PTPRG: variants seen among roughly 807,000 people sequenced by gnomAD.
PTPRG encodes the protein protein tyrosine phosphatase receptor type G.
PTPRG carries 102 observed loss-of-function variants against 165.3 expected under a neutral mutation model. The ratio of observed to expected loss-of-function variants is 0.62; its 90% confidence interval spans 0.53 to 0.73. The LOEUF (loss-of-function observed/expected upper bound fraction) is 0.73, where lower values mean the gene tolerates loss of function less well. Ranked by LOEUF, PTPRG falls within the 30% of genes least tolerant of loss-of-function variation. The probability of loss-of-function intolerance (pLI) is 0.00; values close to 1 mark genes in which losing one functional copy is unlikely to be tolerated. For missense variants in PTPRG, 1,866 were observed against 1,861.4 expected (o/e 1.00, Z -0.05); for synonymous variants, 675 against 669.5 (o/e 1.01, Z -0.13).
chr3:62,282,539 TAAAAAACAAAAAAACAAAAAA>T (rs919157679), intron 27 of PTPRG, among the ~76,000 whole-genome samples, 167 bp from the exon 28 acceptor site: 12 of 146,006 alleles, frequency 8.2e-5, no homozygotes, highest in Admixed American at 4.7e-4. Context: ...ATGCTTTTTT[TAAAAAACAAAAAAACAAAAAA>T]AAAAAACCTT....
chr3:61,914,663 A>G (rs921434733), intron 2 of PTPRG, among the ~76,000 whole-genome samples: 1 of 152,208 alleles, frequency 6.6e-6, no homozygotes, highest in African/African-American at 2.4e-5. Context: ...TCCTGGTTTC[A>G]TTAATTCAAT....
rs1035731063 is a variant in PTPRG, at chr3:61,583,262, C to T, written c.85+20890C>T. On this transcript the variant is annotated intron_variant, in intron 1 of 29. Transcript: ENST00000474889. ...CCAATGCTGGATGCATTGACTGGCC[C>T]CTGAACGCAAGGCTGAGGCATTGTC... Among the ~76,000 whole-genome samples, 3 of 152,280 alleles carry T rather than the reference C, an allele frequency of 2.0e-5. No homozygotes were observed. The East Asian group carries it at 5.8e-4, about 29-fold the overall frequency.
rs560692180 is a variant in PTPRG at position 62,231,269 on chromosome 3, G to A, written c.2333G>A (p.Arg778His). 131 of 1,596,180 alleles carry A rather than the reference G, an allele frequency of 8.2e-5. No individual in the cohort carries two copies. The highest frequency in any genetic ancestry group is 3.9e-4 in the South Asian group (34 of 87,730). The stretch of plus-strand genomic sequence containing the variant: ...TCCAAGGGCTTTCCCAGACGTTTCC[G>A]TGAAGTGCCTTCTTCTGGGGAGAGA... ...IKSKGFPRRF[R>H]EVPSSGERGE... is the part of the protein sequence containing the mutation. Residue 778 changes from arginine to histidine, a missense_variant, in exon 14 of 30, where the codon CGT (arginine) becomes CAT (histidine). Arg to His is a conservative substitution (Grantham distance 29). Transcript: ENST00000474889.
At chr3:61,723,640 T>C (rs1252383304) in intron 1 of PTPRG, among the ~76,000 whole-genome samples, 2 of 152,202 alleles carry the variant, frequency 1.3e-5, no homozygotes, top group African/African-American at 4.8e-5. Flanking sequence ...GGTGCCAAGA[T>C]AGTACAGAGC....
At chr3:61,942,987 A>G (rs1230990450) in intron 2 of PTPRG, among the ~76,000 whole-genome samples, 1 of 152,212 alleles carries the variant, frequency 6.6e-6, no homozygotes, top group Non-Finnish European at 1.5e-5. Context: ...GATTTGTCTC[A>G]CATCTGGGTG....
At chr3:62,094,638 G>A (rs1005387024) in intron 5 of PTPRG, among the ~76,000 whole-genome samples, 2 of 152,146 alleles carry the variant, frequency 1.3e-5, no homozygotes, top group African/African-American at 4.8e-5. Flanking sequence ...GGATGTACCA[G>A]GCTCTGGCAG....
intron 2 of PTPRG, among the ~76,000 whole-genome samples, chr3:61,926,609 C>T (rs143974276): frequency 0.01 from 993 of 94,812 alleles, 37 homozygotes; most frequent in African/African-American, 0.043. Flanking sequence ...CCCTCCCTCC[C>T]TCCTTCCTTC....
chr3:61,789,622 A>G (rs565361602), intron 2 of PTPRG, among the ~76,000 whole-genome samples: 3 of 152,358 alleles, frequency 2.0e-5, no homozygotes, highest in Non-Finnish European at 4.4e-5. Flanking sequence ...TCAGTACTTT[A>G]TATGGATAGT....
intron 2 of PTPRG, among the ~76,000 whole-genome samples, chr3:61,779,293 G>C (rs1269582546): frequency 2.0e-5 from 3 of 152,144 alleles, no homozygotes; most frequent in Non-Finnish European, 4.4e-5. Context: ...GGAAAAAGTG[G>C]AAGATATAAT....
chr3:62,119,362 A>G (rs977003609), intron 5 of PTPRG, among the ~76,000 whole-genome samples: 1 of 152,240 alleles, frequency 6.6e-6, no homozygotes, highest in Non-Finnish European at 1.5e-5. Flanking sequence ...CATGGGAGCC[A>G]CATTGAGCTT....
chr3:61,693,630 G>A (rs2030364215), intron 1 of PTPRG, among the ~76,000 whole-genome samples: 1 of 152,164 alleles, frequency 6.6e-6, no homozygotes, highest in Non-Finnish European at 1.5e-5. Flanking sequence ...CACAAGGTGT[G>A]TGTGTTCAGG....
chr3:62,066,256 T>C (rs1701010038), intron 4 of PTPRG, among the ~76,000 whole-genome samples: 1 of 152,330 alleles, frequency 6.6e-6, no homozygotes, highest in South Asian at 2.1e-4. Flanking sequence ...GTAACTTTGG[T>C]TGAGAAAGTA....
chr3:62,139,685 G>A (rs1703849497), intron 6 of PTPRG, among the ~76,000 whole-genome samples: 1 of 152,204 alleles, frequency 6.6e-6, no homozygotes, highest in Non-Finnish European at 1.5e-5. Flanking sequence ...GGCACTGGCA[G>A]TTGTGGCTAT....
chr3:61,626,091 G>A (rs552759701), intron 1 of PTPRG, among the ~76,000 whole-genome samples: 50 of 151,864 alleles, frequency 3.3e-4, no homozygotes, highest in Admixed American at 7.2e-4. Flanking sequence ...CAAATAAAAG[G>A]CATAATTGAA....
rs115484169 is a variant in PTPRG at position 61,643,252 on chromosome 3, C to G, written c.85+80880C>G. Reference sequence around the variant, plus strand: ...CTAGCCTGGGAAACATAGCAAGACCCCATCTGGGGAGAGAGAGAGAGAGAA... The same window carrying G: ...CTAGCCTGGGAAACATAGCAAGACCGCATCTGGGGAGAGAGAGAGAGAGAA... On this transcript the variant is annotated intron_variant, in intron 1 of 29. Coordinates refer to ENST00000474889, the MANE Select transcript of PTPRG (RefSeq NM_002841.4). Among the ~76,000 whole-genome samples, 481 of 150,984 alleles carry G rather than the reference C, an allele frequency of 3.2e-3. 2 individuals carry two copies. The highest frequency in any genetic ancestry group is 0.01 in the Middle Eastern group (3 of 294).
intron 1 of PTPRG, among the ~76,000 whole-genome samples, chr3:61,605,610 C>T (rs1314402893): frequency 1.3e-5 from 2 of 151,858 alleles, no homozygotes; most frequent in Admixed American, 6.6e-5. Flanking sequence ...GCTCCGTCAC[C>T]TAGACTGAAG....
chr3:62,218,928 T>G lies in PTPRG; in HGVS notation c.2233T>G (p.Ser745Ala), dbSNP rs563098089. The G allele has an allele frequency of 1.4e-4, 218 of 1,614,086 alleles. No homozygotes were observed. The highest frequency in any genetic ancestry group is 1.6e-4 in the Non-Finnish European group (187 of 1,180,032). The change falls in exon 13 of 30, where the codon TCA becomes GCA. Residue 745 changes from serine (S) to alanine (A), a missense_variant. By Grantham distance (99) the Ser-to-Ala change is moderately conservative. Coordinates refer to ENST00000474889, the MANE Select transcript of PTPRG (RefSeq NM_002841.4). ...MEWIIPLIVV[S>A]ALTFVCLILL... ...GTGGATCATCCCTCTGATTGTGGTA[T>G]CAGCCTTGACCTTCGTGTGCCTCAT... is the stretch of plus-strand genomic sequence containing the variant.
chr3:61,883,326 T>C (rs2037939650), intron 2 of PTPRG, among the ~76,000 whole-genome samples: 1 of 152,124 alleles, frequency 6.6e-6, no homozygotes, highest in Non-Finnish European at 1.5e-5. Flanking sequence ...CTGGGGAGGC[T>C]CCTGATGTTC....
intron 4 of PTPRG, among the ~76,000 whole-genome samples, chr3:62,047,341 C>T (rs1233835844): frequency 6.6e-6 from 1 of 152,002 alleles, no homozygotes; most frequent in African/African-American, 2.4e-5. Flanking sequence ...CTCGCTGCAA[C>T]CTCCGCCTCC....
Sources: gnomAD v4.1 joint callset for allele counts (sites outside exome capture counted in the v4.1 genomes callset) on GRCh38, gnomAD v4.1.1 for gene constraint, MANE v1.5 for transcripts, NCBI Gene and HGNC (gene_info 2026-07-23, HGNC 2026-07-21) for gene names.